The following DOCK4 variants were observed in gnomAD, a reference collection of about 807,000 sequenced individuals.
DOCK4 encodes the protein dedicator of cytokinesis 4, also known as dedicator of cytokinesis protein 4.
In DOCK4, 97 loss-of-function variants were observed where a neutral mutation model predicts 268.1. That is an observed-to-expected ratio of 0.36 (90% CI 0.31 to 0.43). The LOEUF (loss-of-function observed/expected upper bound fraction) is 0.43, where lower values mean the gene tolerates loss of function less well. DOCK4 is among the 20% of genes least tolerant of loss of function. DOCK4 has a pLI of 1.00. For missense variants in DOCK4, 2,145 were observed against 2,455.7 expected (o/e 0.87, Z 2.67); for synonymous variants, 954 against 887.2 (o/e 1.08, Z -1.34).
chr7:111,832,935 T>A (rs1802954521), intron 26 of DOCK4, among the ~76,000 whole-genome samples: 1 of 152,240 alleles, frequency 6.6e-6, no homozygotes, highest in Non-Finnish European at 1.5e-5. Flanking sequence ...TTTGTTTTAT[T>A]ACTGCTAACA....
intron 26 of DOCK4, among the ~76,000 whole-genome samples, chr7:111,825,044 C>G (rs1802290039): frequency 6.6e-6 from 1 of 151,998 alleles, no homozygotes; most frequent in African/African-American, 2.4e-5. Flanking sequence ...ATTAACTAGC[C>G]CAATGACCTT....
chr7:111,893,993 G>A (rs1359238331), intron 16 of DOCK4, among the ~76,000 whole-genome samples: 1 of 152,176 alleles, frequency 6.6e-6, no homozygotes, highest in Non-Finnish European at 1.5e-5. Flanking sequence ...GGAGGCTGAG[G>A]TGGGCGGATC....
chr7:111,928,687 A>T (rs1331035234), intron 12 of DOCK4, among the ~76,000 whole-genome samples: 5 of 150,632 alleles, frequency 3.3e-5, no homozygotes, highest in African/African-American at 7.4e-5. Context: ...TCCCAGATTC[A>T]ATTGATTCTC....
chr7:111,817,336 G>C (rs1262580088), intron 27 of DOCK4, among the ~76,000 whole-genome samples: 2 of 152,148 alleles, frequency 1.3e-5, no homozygotes, highest in African/African-American at 4.8e-5. Context: ...AACAGTAGCT[G>C]TGTCAATGGA....
rs772177482 is a variant in DOCK4 at position 111,790,327 on chromosome 7, T to C, written c.3315+130A>G. The C allele has an allele frequency of 5.2e-5, 56 of 1,082,382 alleles. 1 individual carries two copies. Among genetic ancestry groups the C allele is most frequent in the South Asian group, 4.5e-4 (28 of 61,584 alleles). 67.0% of individuals were successfully genotyped at this position (1,082,382 alleles called of 1,614,324 possible). On this transcript the variant is annotated intron_variant, in intron 31 of 52. Coordinates refer to ENST00000428084, the MANE Select transcript of DOCK4 (RefSeq NM_001363540.2). ...CACGGCTGTGTGGCTTGGGAGTGGATAGGCCAGGCTGGAATCTAGGTCTGC... is the reference window on the plus strand; with the variant it reads ...CACGGCTGTGTGGCTTGGGAGTGGACAGGCCAGGCTGGAATCTAGGTCTGC...
chr7:111,771,715 C>T (rs143720257), intron 36 of DOCK4, among the ~76,000 whole-genome samples: 28 of 152,236 alleles, frequency 1.8e-4, no homozygotes, highest in African/African-American at 6.0e-4. Flanking sequence ...GGAAACCCTA[C>T]GCATATTTTT....
At chr7:111,893,169 C>G (rs965350401) in intron 16 of DOCK4, among the ~76,000 whole-genome samples, 3 of 152,224 alleles carry the variant, frequency 2.0e-5, no homozygotes, top group Non-Finnish European at 2.9e-5. Flanking sequence ...TGACGACAGG[C>G]ACCTGGACAG....
chr7:111,974,491 G>GAT (rs1797989722), intron 8 of DOCK4, among the ~76,000 whole-genome samples: 1 of 90,340 alleles, frequency 1.1e-5, no homozygotes, highest in Non-Finnish European at 2.4e-5. Context: ...ATTGAAGAGG[G>GAT]ATGTGTGTGT....
chr7:111,926,548 A>C (rs1016134382), intron 12 of DOCK4, among the ~76,000 whole-genome samples: 3 of 148,782 alleles, frequency 2.0e-5, no homozygotes, highest in Non-Finnish European at 4.4e-5. Context: ...AGAAAGAGAA[A>C]GAAAGGAAGG....
intron 1 of DOCK4, among the ~76,000 whole-genome samples, chr7:112,180,558 C>T (rs919837596): frequency 1.3e-5 from 2 of 152,168 alleles, no homozygotes; most frequent in Non-Finnish European, 2.9e-5. Flanking sequence ...TAGAAAATCA[C>T]CTCAGAGAAG....
chr7:112,038,146 T>A (rs1048805360), intron 1 of DOCK4, among the ~76,000 whole-genome samples: 24 of 152,374 alleles, frequency 1.6e-4, no homozygotes, highest in Non-Finnish European at 2.4e-4. Flanking sequence ...AAGAGGCTGA[T>A]ATTTCCCAGA....
At chr7:112,063,290 T>C (rs1806604723) in intron 1 of DOCK4, among the ~76,000 whole-genome samples, 1 of 152,220 alleles carries the variant, frequency 6.6e-6, no homozygotes, top group Non-Finnish European at 1.5e-5. Context: ...ATTCGTGGCC[T>C]TCTATCATCC....
intron 1 of DOCK4, among the ~76,000 whole-genome samples, chr7:112,177,769 G>C (rs1462538899): frequency 6.6e-6 from 1 of 150,736 alleles, no homozygotes; most frequent in Non-Finnish European, 1.5e-5. Context: ...CCTTTTATAA[G>C]GTAAAAAAAA....
intron 23 of DOCK4, among the ~76,000 whole-genome samples, chr7:111,861,268 G>A (rs910911755): frequency 6.6e-6 from 1 of 152,032 alleles, no homozygotes; most frequent in African/African-American, 2.4e-5. Context: ...GGGAGAAATC[G>A]GAAGGTTGAA....
At chr7:111,950,072 G>A (rs1018869829) in intron 8 of DOCK4, among the ~76,000 whole-genome samples, 3 of 152,078 alleles carry the variant, frequency 2.0e-5, no homozygotes, top group African/African-American at 2.4e-5. Context: ...GACTACAGAC[G>A]CATGCCACCC....
chr7:112,148,079 G>A (rs565287321), intron 1 of DOCK4, among the ~76,000 whole-genome samples: 6 of 152,080 alleles, frequency 3.9e-5, no homozygotes, highest in African/African-American at 7.2e-5. Flanking sequence ...GTAAATTGTC[G>A]CTGAATCAAC....
At position 111,736,694 on chromosome 7, in the gene DOCK4, G is replaced by A. The variant is rs372779548; in HGVS notation, c.5305+223C>T. On this transcript the variant is annotated intron_variant, in intron 50 of 52. Coordinates refer to ENST00000428084, the MANE Select transcript of DOCK4 (RefSeq NM_001363540.2). ...TAACAAAAAGCCATTAAACATAGGC[G>A]TTCCTATCTTGCTCAGATTCTGCTG... Among the ~76,000 whole-genome samples the A allele has an allele frequency of 8.5e-5, 13 of 152,296 alleles. No homozygotes were observed. In the East Asian group the frequency reaches 1.7e-3, roughly 20 times the overall value.
Position 111,765,202 on chromosome 7 carries a change from A to G in DOCK4, c.3936T>C (p.Tyr1312=). 6.4e-7 allele frequency: 1 copy of G among 1,553,692 alleles called. No individual in the cohort carries two copies. The highest frequency in any genetic ancestry group is 1.4e-5 in the African/African-American group (1 of 72,852). The change falls in exon 39 of 53, where the codon TAT becomes TAC. Residue 1312 remains tyrosine (Y), a synonymous_variant. Transcript: ENST00000428084. ...GACGTTGCTGGTCCATAATTTTGTC[A>G]TACAAAGAGGCTTCCATCATCTAGA... ...SKMRMMEASL[Y]DKIMDQQRLE... is the part of the protein sequence containing the mutation.
chr7:111,817,305 T>G (rs544273652), intron 27 of DOCK4, among the ~76,000 whole-genome samples: 13 of 152,142 alleles, frequency 8.5e-5, no homozygotes, highest in Non-Finnish European at 1.2e-4. Context: ...TACACTTAAT[T>G]AAAAAAATCA....
Sources: gnomAD v4.1 joint callset for allele counts (sites outside exome capture counted in the v4.1 genomes callset) on GRCh38, gnomAD v4.1.1 for gene constraint, MANE v1.5 for transcripts, NCBI Gene and HGNC (gene_info 2026-07-23, HGNC 2026-07-21) for gene names.